Variants in GIGYF2 observed in about 807,000 individuals in gnomAD.
The protein encoded by GIGYF2 is GRB10 interacting GYF protein 2, also known as GRB10-interacting GYF protein 2.
GIGYF2 carries 25 observed loss-of-function variants against 208.1 expected under a neutral mutation model. The observed-to-expected ratio is 0.12, with a 90% CI of 0.09 to 0.17. GIGYF2 has a LOEUF of 0.17. Among genes scored for constraint, GIGYF2 ranks in the 10% least tolerant of loss-of-function variants. The pLI is 1.00. For missense variants in GIGYF2, 1,302 were observed against 1,579.4 expected, an observed-to-expected ratio of 0.82 and a Z score of 2.98; for synonymous variants, 534 against 543.8, an observed-to-expected ratio of 0.98 and a Z score of 0.25.
chr2:232,768,360 C>T lies in GIGYF2; in HGVS notation c.532+6924C>T, dbSNP rs370182405. 24 of 1,614,090 alleles carry T rather than the reference C, an allele frequency of 1.5e-5. No homozygotes were observed. Among genetic ancestry groups the T allele is most frequent in the East Asian group, 8.9e-5 (4 of 44,874 alleles). On this transcript the variant is annotated intron_variant, in intron 8 of 28. Transcript: ENST00000373563. ...GATTTGATATTCACCTTTGGAACCT[C>T]GGGTCAACAGAGATGCAAAACAGTG...
At chr2:232,756,197 CT>C (rs759525243) in intron 5 of GIGYF2, 25 bp from the exon 6 acceptor site, 80,488 of 695,350 alleles carry the variant, frequency 0.12, 413 homozygotes, top group African/African-American at 0.23. Flanking sequence ...TCCTTTTTCT[CT>C]TTTTTTTTTT....
At chr2:232,827,458 T>A (rs904245104) in intron 21 of GIGYF2, among the ~76,000 whole-genome samples, 10 of 152,296 alleles carry the variant, frequency 6.6e-5, no homozygotes, top group Admixed American at 6.5e-4. Context: ...TTCTTTGAAT[T>A]ATGTGGCTAA....
intron 25 of GIGYF2, 119 bp from the exon 26 acceptor site, chr2:232,845,613 C>A: frequency 2.3e-6 from 2 of 887,686 alleles, no homozygotes; most frequent in Non-Finnish European, 3.7e-6. Context: ...TGGAGCCAAG[C>A]ATTGGATTAT....
intron 2 of GIGYF2, among the ~76,000 whole-genome samples, chr2:232,715,071 A>T (rs926038716): frequency 2.0e-5 from 3 of 152,162 alleles, no homozygotes; most frequent in Non-Finnish European, 4.4e-5. Flanking sequence ...TGCTAAGGAT[A>T]ATGGTCTTCA....
chr2:232,780,184 A>G (rs1699664487), intron 8 of GIGYF2, among the ~76,000 whole-genome samples: 1 of 152,226 alleles, frequency 6.6e-6, no homozygotes, highest in Non-Finnish European at 1.5e-5. Context: ...TGGGTCAAAC[A>G]TGCACACAGG....
chr2:232,753,841 C>T (rs1698425536), intron 5 of GIGYF2, among the ~76,000 whole-genome samples: 1 of 152,052 alleles, frequency 6.6e-6, no homozygotes, highest in Non-Finnish European at 1.5e-5. Flanking sequence ...TAGGACATTG[C>T]AGTTTTTGTT....
intron 18 of GIGYF2, among the ~76,000 whole-genome samples, chr2:232,813,331 TTACGCTATCACACCTGACTGGGTG>T (rs71056298): frequency 0.17 from 25,140 of 151,770 alleles, 2,618 homozygotes; most frequent in Non-Finnish European, 0.22. Flanking sequence ...CTGGGATTAA[TTACGCTATCACACCTGACTGGGTG>T]TACGCTATCA....
chr2:232,742,317 G>T (rs985354546), intron 3 of GIGYF2, among the ~76,000 whole-genome samples: 1 of 152,194 alleles, frequency 6.6e-6, no homozygotes, highest in Non-Finnish European at 1.5e-5. Flanking sequence ...GAGGCGGGTG[G>T]ATCACCTGAG....
intron 3 of GIGYF2, among the ~76,000 whole-genome samples, chr2:232,738,081 T>C (rs938275382): frequency 1.3e-5 from 2 of 151,858 alleles, no homozygotes; most frequent in African/African-American, 2.4e-5. Context: ...CACGCCCAGC[T>C]GATTTTTATA....
intron 4 of GIGYF2, 49 bp downstream of exon 4, chr2:232,747,793 A>T: frequency 6.5e-7 from 1 of 1,533,750 alleles, no homozygotes; most frequent in Non-Finnish European, 9.0e-7. Flanking sequence ...ACTTTGGGAT[A>T]TATACCATGA....
intron 1 of GIGYF2, among the ~76,000 whole-genome samples, 175 bp from the exon 2 acceptor site, chr2:232,703,249 A>T (rs1263615465): frequency 1.3e-5 from 2 of 152,348 alleles, no homozygotes; most frequent in African/African-American, 2.4e-5. Context: ...CTGTAGAACT[A>T]CTGAGACTTT....
chr2:232,801,622 C>G (rs1398960843), intron 14 of GIGYF2, among the ~76,000 whole-genome samples: 2 of 152,210 alleles, frequency 1.3e-5, no homozygotes, highest in Non-Finnish European at 2.9e-5. Context: ...GCATACTAAT[C>G]ATTTTATAGT....
chr2:232,712,820 A>G (rs182854075), intron 2 of GIGYF2, among the ~76,000 whole-genome samples: 74 of 152,332 alleles, frequency 4.9e-4, no homozygotes, highest in Non-Finnish European at 1.8e-4. Context: ...TTAAAAAACG[A>G]TTTAAAAACA....
intron 28 of GIGYF2, among the ~76,000 whole-genome samples, chr2:232,851,522 C>T (rs781516652): frequency 2.2e-4 from 33 of 151,984 alleles, no homozygotes; most frequent in Non-Finnish European, 3.7e-4. Flanking sequence ...CGGGTTCAAG[C>T]GATTCTCTTG....
intron 12 of GIGYF2, 67 bp downstream of exon 12, chr2:232,791,513 T>TATC: frequency 7.3e-7 from 1 of 1,376,822 alleles, no homozygotes; most frequent in African/African-American, 1.4e-5. Flanking sequence ...ACTGATAAGT[T>TATC]AGGCTTCTGC....
chr2:232,729,045 C>A (rs1346949411), intron 2 of GIGYF2, among the ~76,000 whole-genome samples: 1 of 152,106 alleles, frequency 6.6e-6, no homozygotes, highest in Non-Finnish European at 1.5e-5. Flanking sequence ...GTGGTGTGAA[C>A]AAGGCTCACT....
Position 232,717,999 on chromosome 2 carries a change from A to G in GIGYF2, c.-44+14510A>G, listed in dbSNP as rs142264392. On this transcript the variant is annotated intron_variant, in intron 2 of 28. Coordinates refer to ENST00000373563, the MANE Select transcript of GIGYF2 (RefSeq NM_001103146.3). ...CATCACATAAAAGGAATCATACAGTATATATTTTTTTCTAGCCAGCTTGTT... is the reference window on the plus strand; with the variant it reads ...CATCACATAAAAGGAATCATACAGTGTATATTTTTTTCTAGCCAGCTTGTT... Among the ~76,000 whole-genome samples, 321 of 152,224 alleles carry G rather than the reference A, an allele frequency of 2.1e-3. 1 individual carries two copies. Among genetic ancestry groups the G allele is most frequent in the African/African-American group, 7.4e-3 (309 of 41,538 alleles).
chr2:232,704,398 G>GT (rs1296468743), intron 2 of GIGYF2, among the ~76,000 whole-genome samples: 5 of 152,132 alleles, frequency 3.3e-5, no homozygotes, highest in African/African-American at 1.2e-4. Context: ...TATTAGTGCT[G>GT]TTTTTTGTTT....
At chr2:232,848,910 T>C (rs866467860) in intron 27 of GIGYF2, among the ~76,000 whole-genome samples, 7 of 152,308 alleles carry the variant, frequency 4.6e-5, no homozygotes, top group Middle Eastern at 6.8e-3. Context: ...TTCACAAATA[T>C]GGAATCTGTG....
Sources: gnomAD v4.1 joint callset for allele counts (sites outside exome capture counted in the v4.1 genomes callset) on GRCh38, gnomAD v4.1.1 for gene constraint, MANE v1.5 for transcripts, NCBI Gene and HGNC (gene_info 2026-07-23, HGNC 2026-07-21) for gene names.